Variants in TRAPPC9 observed in about 807,000 individuals in gnomAD.
The protein encoded by TRAPPC9 is trafficking protein particle complex subunit 9.
Under a neutral mutation model 124.0 loss-of-function variants are expected in TRAPPC9, and 83 were observed. The ratio of observed to expected loss-of-function variants is 0.67; its 90% confidence interval spans 0.56 to 0.80. The LOEUF (loss-of-function observed/expected upper bound fraction) is 0.80, where lower values mean the gene tolerates loss of function less well. TRAPPC9 is among the 30% of genes least tolerant of loss of function. The pLI is 0.00. For missense variants in TRAPPC9, 1,302 were observed against 1,508.3 expected (o/e 0.86, Z 2.27); for synonymous variants, 638 against 617.5 (o/e 1.03, Z -0.49).
intron 17 of TRAPPC9, among the ~76,000 whole-genome samples, chr8:140,152,185 T>C (rs2061553770): frequency 6.7e-6 from 1 of 150,080 alleles, no homozygotes; most frequent in Non-Finnish European, 1.5e-5. Context: ...TGTTGACTAT[T>C]CATTAAGTTA....
chr8:140,244,323 C>T (rs574445313), intron 16 of TRAPPC9, among the ~76,000 whole-genome samples: 3 of 152,244 alleles, frequency 2.0e-5, no homozygotes, highest in South Asian at 2.1e-4. Context: ...TGACATCTAC[C>T]GTCTCGTCTC....
chr8:140,340,952 T>A (rs1256416595), intron 9 of TRAPPC9, among the ~76,000 whole-genome samples: 2 of 152,212 alleles, frequency 1.3e-5, no homozygotes, highest in Non-Finnish European at 2.9e-5. Flanking sequence ...AGGTTCTCAA[T>A]TGAGAACAGG....
chr8:139,878,088 T>A (rs751587678), intron 21 of TRAPPC9, among the ~76,000 whole-genome samples: 6 of 152,240 alleles, frequency 3.9e-5, no homozygotes, highest in Non-Finnish European at 7.3e-5. Flanking sequence ...AGCCACTACA[T>A]GTAACTTTTA....
intron 2 of TRAPPC9, among the ~76,000 whole-genome samples, chr8:140,444,748 T>C (rs1473089784): frequency 6.6e-6 from 1 of 151,478 alleles, no homozygotes; most frequent in East Asian, 1.9e-4. Flanking sequence ...CTTGTAATCC[T>C]AGCTACTTAG....
At chr8:140,457,938 G>A (rs2071752422), upstream of TRAPPC9, among the ~76,000 whole-genome samples, 1 of 123,980 alleles carries the variant, frequency 8.1e-6, no homozygotes, top group Non-Finnish European at 1.8e-5. Context: ...GAGGGAGGAG[G>A]GAGAGAAAAA....
rs879655998 is a variant in TRAPPC9, at chr8:139,956,641, C to T, written c.2810+32085G>A. On this transcript the variant is annotated intron_variant, in intron 19 of 22. Transcript: ENST00000438773. The stretch of plus-strand genomic sequence containing the variant: ...CCTTCTGATTGACAAGAAACAAAGA[C>T]CTGTGTGCCTGGAACAGCACTGCTC... Among the ~76,000 whole-genome samples the T allele has an allele frequency of 1.8e-4, 28 of 152,236 alleles. 1 individual carries two copies. The highest frequency in any genetic ancestry group is 1.2e-3 in the Admixed American group (18 of 15,288).
At chr8:140,172,815 G>A (rs995969033) in intron 17 of TRAPPC9, among the ~76,000 whole-genome samples, 1 of 152,178 alleles carries the variant, frequency 6.6e-6, no homozygotes, top group African/African-American at 2.4e-5. Flanking sequence ...TTATAGGGGA[G>A]AAAACTGTGA....
intron 16 of TRAPPC9, among the ~76,000 whole-genome samples, chr8:140,239,173 G>A (rs1433747949): frequency 1.3e-5 from 2 of 152,126 alleles, no homozygotes; most frequent in Non-Finnish European, 2.9e-5. Flanking sequence ...GGCACGGAGG[G>A]AAGCCCCACG....
At chr8:140,364,650 G>A (rs953789876) in intron 8 of TRAPPC9, among the ~76,000 whole-genome samples, 3 of 151,806 alleles carry the variant, frequency 2.0e-5, no homozygotes, top group Admixed American at 6.6e-5. Context: ...GTGCATTCTC[G>A]GCTCACTGCA....
intron 7 of TRAPPC9, among the ~76,000 whole-genome samples, chr8:140,376,874 A>T (rs1343001065): frequency 5.4e-5 from 1 of 18,354 alleles, no homozygotes; most frequent in Non-Finnish European, 9.1e-5. Context: ...GCTCCATCTC[A>T]AAAAAAAAAA....
chr8:140,203,460 C>T (rs980840026), intron 17 of TRAPPC9, among the ~76,000 whole-genome samples: 2 of 152,208 alleles, frequency 1.3e-5, no homozygotes, highest in Non-Finnish European at 2.9e-5. Context: ...GTCCCTGTGT[C>T]CTAACAGGCT....
At chr8:140,385,511 A>G (rs1280961955) in intron 7 of TRAPPC9, among the ~76,000 whole-genome samples, 3 of 152,210 alleles carry the variant, frequency 2.0e-5, no homozygotes, top group East Asian at 3.8e-4. Context: ...CAGAAATACA[A>G]ACTACCATCA....
chr8:139,732,587 G>A (rs199224), intron 21 of TRAPPC9, among the ~76,000 whole-genome samples: 49 of 152,244 alleles, frequency 3.2e-4, no homozygotes, highest in Non-Finnish European at 5.9e-4. Context: ...CTAAAGTGCC[G>A]CAGGTCAGGG....
At chr8:140,007,280 G>A (rs1004319128) in intron 18 of TRAPPC9, among the ~76,000 whole-genome samples, 1 of 152,200 alleles carries the variant, frequency 6.6e-6, no homozygotes, top group African/African-American at 2.4e-5. Flanking sequence ...GTGCCTCCGG[G>A]TGACGGTAAC....
intron 19 of TRAPPC9, among the ~76,000 whole-genome samples, chr8:139,965,784 T>TGG (rs1835665597): frequency 6.6e-6 from 1 of 152,264 alleles, no homozygotes; most frequent in Non-Finnish European, 1.5e-5. Context: ...AGGCTCCATG[T>TGG]TGAGCAGAGT....
chr8:140,061,655 C>T (rs1018063847), intron 17 of TRAPPC9, among the ~76,000 whole-genome samples: 1 of 152,060 alleles, frequency 6.6e-6, no homozygotes, highest in African/African-American at 2.4e-5. Flanking sequence ...TGTAGACAGG[C>T]GAATGAAGTG....
chr8:139,791,472 C>T (rs1822671856), intron 21 of TRAPPC9, among the ~76,000 whole-genome samples: 1 of 151,536 alleles, frequency 6.6e-6, no homozygotes, highest in Admixed American at 6.6e-5. Context: ...CTCCCGTGCA[C>T]AGACTCACAC....
chr8:139,743,997 C>T (rs897479063), intron 21 of TRAPPC9, among the ~76,000 whole-genome samples: 1 of 152,212 alleles, frequency 6.6e-6, no homozygotes, highest in Non-Finnish European at 1.5e-5. Context: ...ACACTCACAG[C>T]CACTGCCACA....
chr8:139,992,974 T>C (rs1837736305), intron 18 of TRAPPC9, among the ~76,000 whole-genome samples: 1 of 152,040 alleles, frequency 6.6e-6, no homozygotes, highest in Non-Finnish European at 1.5e-5. Flanking sequence ...AGATGAACAG[T>C]TCATGACCTT....
Sources: gnomAD v4.1 joint callset for allele counts (sites outside exome capture counted in the v4.1 genomes callset) on GRCh38, gnomAD v4.1.1 for gene constraint, MANE v1.5 for transcripts, NCBI Gene and HGNC (gene_info 2026-07-23, HGNC 2026-07-21) for gene names.